Variants in CADM2 observed in about 807,000 individuals in gnomAD.
The protein encoded by CADM2 is immunoglobulin superfamily member 4D.
CADM2 carries 12 observed loss-of-function variants against 49.8 expected under a neutral mutation model. The ratio of observed to expected loss-of-function variants is 0.24; its 90% CI spans 0.15 to 0.39. The LOEUF is 0.39. CADM2 is among the 10% of genes least tolerant of loss of function. The pLI, the probability that CADM2 is intolerant of heterozygous loss-of-function variation, is 1.00. For missense variants in CADM2, 378 were observed against 492.3 expected (o/e 0.77, Z 2.20); for synonymous variants, 214 against 175.4 (o/e 1.22, Z -1.74).
intron 1 of CADM2, among the ~76,000 whole-genome samples, chr3:85,710,212 C>G (rs1242234729): frequency 1.3e-5 from 2 of 152,162 alleles, no homozygotes; most frequent in Non-Finnish European, 2.9e-5. Flanking sequence ...CTCCTTCCTC[C>G]AAACACCATG....
intron 1 of CADM2, among the ~76,000 whole-genome samples, chr3:85,062,254 C>T (rs1300580273): frequency 6.6e-6 from 1 of 152,030 alleles, no homozygotes; most frequent in Non-Finnish European, 1.5e-5. Context: ...TACTATTCTA[C>T]CTGTAAAAGT....
chr3:85,021,068 G>A (rs1213005229), intron 1 of CADM2, among the ~76,000 whole-genome samples: 1 of 136,868 alleles, frequency 7.3e-6, no homozygotes, highest in Non-Finnish European at 1.5e-5. Context: ...AGTGAGCCAA[G>A]ATTGTGCCTT....
chr3:85,270,364 G>C (rs1318996045), intron 1 of CADM2, among the ~76,000 whole-genome samples: 1 of 151,220 alleles, frequency 6.6e-6, no homozygotes, highest in Non-Finnish European at 1.5e-5. Context: ...AAAATATCCA[G>C]CTCTATATAT....
chr3:85,482,688 A>G (rs899303992), intron 1 of CADM2, among the ~76,000 whole-genome samples: 1 of 151,718 alleles, frequency 6.6e-6, no homozygotes, highest in African/African-American at 2.4e-5. Context: ...TCCTTAGGTT[A>G]ATATTCATGA....
intron 1 of CADM2, among the ~76,000 whole-genome samples, chr3:85,077,432 A>G (rs972649474): frequency 6.6e-6 from 1 of 152,000 alleles, no homozygotes; most frequent in Non-Finnish European, 1.5e-5. Context: ...GCCCTACCAT[A>G]ACTGTTATGT....
chr3:85,159,432 C>G (rs575908620), intron 1 of CADM2, among the ~76,000 whole-genome samples: 1 of 151,610 alleles, frequency 6.6e-6, no homozygotes, highest in Non-Finnish European at 1.5e-5. Context: ...GGTCCATGTA[C>G]TGGGAGTAAA....
chr3:85,240,486 A>G (rs1363386938), intron 1 of CADM2, among the ~76,000 whole-genome samples: 1 of 151,526 alleles, frequency 6.6e-6, no homozygotes, highest in Non-Finnish European at 1.5e-5. Flanking sequence ...TTCAATCATA[A>G]TATATTATCA....
intron 1 of CADM2, among the ~76,000 whole-genome samples, chr3:85,468,796 G>T (rs574076304): frequency 6.6e-6 from 1 of 152,140 alleles, no homozygotes; most frequent in African/African-American, 2.4e-5. Context: ...TCTGGTAAGG[G>T]ATAAAAGTTA....
chr3:85,698,332 T>G (rs2107700662), intron 1 of CADM2, among the ~76,000 whole-genome samples: 1 of 152,280 alleles, frequency 6.6e-6, no homozygotes, highest in Middle Eastern at 3.4e-3. Flanking sequence ...GTCTCAGGTT[T>G]TCAAGAAGAA....
At chr3:85,077,113 A>C (rs2036975271) in intron 1 of CADM2, among the ~76,000 whole-genome samples, 2 of 152,238 alleles carry the variant, frequency 1.3e-5, no homozygotes, top group Admixed American at 6.5e-5. Flanking sequence ...TAGGGAAGCT[A>C]GAGAACATCT....
intron 1 of CADM2, among the ~76,000 whole-genome samples, chr3:85,188,903 C>T (rs2041132719): frequency 6.6e-6 from 1 of 151,676 alleles, no homozygotes; most frequent in South Asian, 2.1e-4. Flanking sequence ...TGGTGGCGGG[C>T]ACTTGTAGTC....
In CADM2 at chr3:85,230,740, C is replaced by A. The variant is rs189264610; in HGVS notation, c.61+271072C>A. Among the ~76,000 whole-genome samples the A allele has an allele frequency of 1.8e-3, 275 of 152,220 alleles. 1 individual carries two copies. Among genetic ancestry groups the A allele is most frequent in the African/African-American group, 6.4e-3 (264 of 41,528 alleles). Reference sequence around the variant, plus strand: ...GGAGAAATTAAGTGTTCTGCATAATCTTCTTAAAATATCCTAAGTACAAGA... The same window carrying A: ...GGAGAAATTAAGTGTTCTGCATAATATTCTTAAAATATCCTAAGTACAAGA... On this transcript the variant is annotated intron_variant, in intron 1 of 9. Transcript: ENST00000383699.
chr3:85,995,882 G>C (rs1272099093), intron 8 of CADM2, among the ~76,000 whole-genome samples: 1 of 152,020 alleles, frequency 6.6e-6, no homozygotes, highest in Non-Finnish European at 1.5e-5. Flanking sequence ...GAGGTCAGGA[G>C]ATCAAGACCG....
intron 1 of CADM2, among the ~76,000 whole-genome samples, chr3:85,618,537 C>G (rs1434475167): frequency 6.6e-6 from 1 of 152,086 alleles, no homozygotes; most frequent in Non-Finnish European, 1.5e-5. Context: ...TCTTAACCAC[C>G]ATGGTACCTT....
chr3:84,962,274 A>T (rs553198940), intron 1 of CADM2, among the ~76,000 whole-genome samples: 11 of 141,704 alleles, frequency 7.8e-5, no homozygotes, highest in Admixed American at 3.5e-4. Flanking sequence ...ACGAGGATTT[A>T]AAAAAAAAAA....
At chr3:85,801,940 T>G (rs1352377962) in intron 2 of CADM2, 107 bp from the exon 3 acceptor site, 2 of 893,362 alleles carry the variant, frequency 2.2e-6, no homozygotes, top group Non-Finnish European at 3.3e-6. Flanking sequence ...GTTGTTTGGT[T>G]GTTTTAAATT....
chr3:85,688,295 G>T (rs1465484929), intron 1 of CADM2, among the ~76,000 whole-genome samples: 1 of 152,232 alleles, frequency 6.6e-6, no homozygotes, highest in Non-Finnish European at 1.5e-5. Flanking sequence ...ATATGTAAAT[G>T]ATTTGGACAG....
At chr3:85,316,880 G>T (rs1378509677) in intron 1 of CADM2, among the ~76,000 whole-genome samples, 1 of 152,098 alleles carries the variant, frequency 6.6e-6, no homozygotes, top group Admixed American at 6.5e-5. Flanking sequence ...GTCAAAACAG[G>T]ATGCGAAGGG....
At chr3:85,705,028 T>C (rs1461514925) in intron 1 of CADM2, among the ~76,000 whole-genome samples, 3 of 85,514 alleles carry the variant, frequency 3.5e-5, no homozygotes, top group African/African-American at 2.5e-4. Context: ...CTGGCTAAAT[T>C]TTTTTTTTTT....
Sources: allele counts gnomAD v4.1 joint callset (sites outside exome capture counted in the v4.1 genomes callset), GRCh38; gene constraint gnomAD v4.1.1; transcripts MANE v1.5; gene names NCBI Gene and HGNC (gene_info 2026-07-23, HGNC 2026-07-21).